SGCZ: variants seen among roughly 807,000 people sequenced by gnomAD.
The protein encoded by SGCZ is zeta-sarcoglycan.
SGCZ carries 40 observed loss-of-function variants against 41.3 expected under a neutral mutation model. The observed-to-expected ratio is 0.97, with a 90% confidence interval of 0.75 to 1.26. The LOEUF is 1.26. Among genes scored for constraint, SGCZ ranks in the 50% most tolerant of loss-of-function variants. The pLI is 0.00. For synonymous variants in SGCZ, 206 were observed against 137.5 expected (o/e 1.50, Z -3.49); for missense variants, 552 against 369.8 (o/e 1.49, Z -4.04).
intron 1 of SGCZ, among the ~76,000 whole-genome samples, chr8:14,840,782 T>C (rs898047368): frequency 6.6e-6 from 1 of 152,094 alleles, no homozygotes; most frequent in African/African-American, 2.4e-5. Flanking sequence ...TTAGACAGCA[T>C]CTACTCTTTT....
intron 1 of SGCZ, among the ~76,000 whole-genome samples, chr8:14,965,644 C>G (rs1055350178): frequency 2.6e-5 from 4 of 152,090 alleles, no homozygotes; most frequent in African/African-American, 9.7e-5. Context: ...AAGATATTAA[C>G]ATAGCATTTT....
chr8:14,832,328 T>C (rs1474872235), intron 1 of SGCZ, among the ~76,000 whole-genome samples: 1 of 152,154 alleles, frequency 6.6e-6, no homozygotes, highest in Non-Finnish European at 1.5e-5. Flanking sequence ...AGCTTAATAT[T>C]CTATGCTAAA....
At chr8:15,004,264 T>C (rs774700206) in intron 1 of SGCZ, among the ~76,000 whole-genome samples, 2 of 152,052 alleles carry the variant, frequency 1.3e-5, no homozygotes, top group Non-Finnish European at 2.9e-5. Context: ...ACAACCTTCC[T>C]GAGGTGGCGA....
chr8:15,225,504 G>A (rs1282053210), intron 1 of SGCZ, among the ~76,000 whole-genome samples: 1 of 152,144 alleles, frequency 6.6e-6, no homozygotes, highest in Non-Finnish European at 1.5e-5. Context: ...GTATCTGTAT[G>A]TGCACGCACA....
At chr8:14,723,491 G>A (rs947607697) in intron 1 of SGCZ, among the ~76,000 whole-genome samples, 1 of 152,128 alleles carries the variant, frequency 6.6e-6, no homozygotes, top group African/African-American at 2.4e-5. Flanking sequence ...AGCAGGCGTG[G>A]AGCTGGGGAC....
At chr8:14,179,790 G>A (rs1804663507) in intron 4 of SGCZ, among the ~76,000 whole-genome samples, 1 of 152,058 alleles carries the variant, frequency 6.6e-6, no homozygotes, top group Admixed American at 6.6e-5. Flanking sequence ...CTAACTCCAG[G>A]TATTCCTATA....
At chr8:14,936,522 T>C (rs963368463) in intron 1 of SGCZ, among the ~76,000 whole-genome samples, 1 of 151,928 alleles carries the variant, frequency 6.6e-6, no homozygotes, top group African/African-American at 2.4e-5. Context: ...ATATTAACAG[T>C]GTCACTTTTG....
chr8:15,132,423 G>A (rs1391613788), intron 1 of SGCZ, among the ~76,000 whole-genome samples: 6 of 152,082 alleles, frequency 3.9e-5, no homozygotes, highest in Admixed American at 2.6e-4. Context: ...TCTTACAGCC[G>A]CCATCACATG....
At chr8:14,318,813 G>A (rs912960940) in intron 3 of SGCZ, among the ~76,000 whole-genome samples, 1 of 151,780 alleles carries the variant, frequency 6.6e-6, no homozygotes, top group African/African-American at 2.4e-5. Flanking sequence ...AACTAAGTAA[G>A]TGCTTCAATC....
At position 14,314,308 on chromosome 8, in the gene SGCZ, G is replaced by A. The variant is rs141403425; in HGVS notation, c.336+9795C>T. On this transcript the variant is annotated intron_variant, in intron 3 of 7. Transcript: ENST00000382080. ...ATTATTTTTTTTCCCCACTCTTAAC[G>A]TAGTCCAAAGAGCTGAAACTATCTC... 7.5e-3 allele frequency among the ~76,000 whole-genome samples: 1,145 copies of A among 151,922 alleles called. 9 individuals are homozygous for A. The highest frequency in any genetic ancestry group is 0.027 in the South Asian group (128 of 4,816).
chr8:14,168,533 G>A (rs542331745), intron 4 of SGCZ, among the ~76,000 whole-genome samples: 2 of 152,158 alleles, frequency 1.3e-5, no homozygotes, highest in African/African-American at 4.8e-5. Context: ...GAGTTTCCCT[G>A]CACAAGCTCT....
At chr8:14,729,057 T>C (rs773594700) in intron 1 of SGCZ, among the ~76,000 whole-genome samples, 6 of 152,190 alleles carry the variant, frequency 3.9e-5, no homozygotes, top group African/African-American at 1.4e-4. Context: ...AAGGAAGGAA[T>C]CCAGTATTTA....
intron 3 of SGCZ, among the ~76,000 whole-genome samples, chr8:14,314,708 C>T (rs76676469): frequency 0.011 from 1,723 of 152,222 alleles, 32 homozygotes; most frequent in African/African-American, 0.039. Context: ...ATCTGAGCCA[C>T]ACAAATTTGC....
chr8:15,138,467 A>C (rs1034330997), intron 1 of SGCZ, among the ~76,000 whole-genome samples: 2 of 152,010 alleles, frequency 1.3e-5, no homozygotes, highest in African/African-American at 2.4e-5. Context: ...CCCCCACTCA[A>C]ATCTCATCTT....
chr8:14,560,794 T>C (rs957306728), intron 1 of SGCZ, among the ~76,000 whole-genome samples: 1 of 151,960 alleles, frequency 6.6e-6, no homozygotes, highest in Non-Finnish European at 1.5e-5. Context: ...GGTAACTATA[T>C]CAAATGCCTC....
At chr8:14,778,744 TCAGA>T (rs1800489945) in intron 1 of SGCZ, among the ~76,000 whole-genome samples, 1 of 152,176 alleles carries the variant, frequency 6.6e-6, no homozygotes, top group African/African-American at 2.4e-5. Context: ...TCATGAGTAA[TCAGA>T]GAAATGCAGA....
At chr8:14,865,687 C>T (rs769764056) in intron 1 of SGCZ, among the ~76,000 whole-genome samples, 11 of 152,092 alleles carry the variant, frequency 7.2e-5, no homozygotes, top group Non-Finnish European at 1.6e-4. Context: ...AAAGACAATA[C>T]TTAATCTAAG....
chr8:14,672,988 C>T (rs1335968743), intron 1 of SGCZ, among the ~76,000 whole-genome samples: 1 of 152,118 alleles, frequency 6.6e-6, no homozygotes, highest in African/African-American at 2.4e-5. Flanking sequence ...TGCTGTGTTT[C>T]AAGCAAAAGT....
At chr8:14,292,703 T>C (rs889967980) in intron 3 of SGCZ, among the ~76,000 whole-genome samples, 2 of 152,054 alleles carry the variant, frequency 1.3e-5, no homozygotes, top group African/African-American at 2.4e-5. Flanking sequence ...TTTCTTGATA[T>C]GTGACATTAG....
Sources: allele counts gnomAD v4.1 joint callset (sites outside exome capture counted in the v4.1 genomes callset), GRCh38; gene constraint gnomAD v4.1.1; transcripts MANE v1.5; gene names NCBI Gene and HGNC (gene_info 2026-07-23, HGNC 2026-07-21).